The following DCLK1 variants were observed in gnomAD, a reference collection of about 807,000 sequenced individuals.
DCLK1 encodes serine/threonine-protein kinase DCLK1.
Under a neutral mutation model 86.2 loss-of-function variants are expected in DCLK1, and 16 were observed. The ratio of observed to expected loss-of-function variants is 0.19; its 90% CI spans 0.13 to 0.28. The LOEUF is 0.28. DCLK1 is among the 10% of genes least tolerant of loss of function. DCLK1 has a pLI of 1.00. For missense variants in DCLK1, 590 were observed against 940.2 expected, an observed-to-expected ratio of 0.63 and a Z score of 4.87; for synonymous variants, 369 against 370.5, an observed-to-expected ratio of 1.00 and a Z score of 0.05.
intron 7 of DCLK1, among the ~76,000 whole-genome samples, chr13:35,838,072 A>AAAAAG (rs532082938): frequency 4.5e-4 from 68 of 149,826 alleles, no homozygotes; most frequent in South Asian, 2.9e-3. Context: ...TCTCAAAAAA[A>AAAAAG]AAAAGAAAAG....
intron 2 of DCLK1, among the ~76,000 whole-genome samples, chr13:36,122,721 A>T (rs1886038571): frequency 6.6e-6 from 1 of 152,216 alleles, no homozygotes; most frequent in Non-Finnish European, 1.5e-5. Context: ...TTAAAAAAAC[A>T]TATTAAGGCC....
chr13:36,107,460 A>G (rs1265617396), intron 3 of DCLK1, among the ~76,000 whole-genome samples: 1 of 151,526 alleles, frequency 6.6e-6, no homozygotes, highest in Admixed American at 6.6e-5. Context: ...CCTATGTGAA[A>G]TGTCTATAAG....
intron 4 of DCLK1, among the ~76,000 whole-genome samples, chr13:35,934,625 T>C (rs1406652784): frequency 6.6e-6 from 1 of 152,124 alleles, no homozygotes; most frequent in Admixed American, 6.5e-5. Context: ...CAATTATCTC[T>C]CACTGGGTCC....
intron 3 of DCLK1, among the ~76,000 whole-genome samples, chr13:35,980,882 T>A (rs1263492037): frequency 6.6e-6 from 1 of 152,120 alleles, no homozygotes; most frequent in East Asian, 1.9e-4. Flanking sequence ...GGTCTTAAAC[T>A]CCTGGGCTCA....
In DCLK1 at chr13:36,113,169, C is replaced by G. The variant is rs374721972; in HGVS notation, c.377-954G>C. On this transcript the variant is annotated intron_variant, in intron 2 of 16. Coordinates refer to ENST00000360631, the MANE Select transcript of DCLK1 (RefSeq NM_001330071.2). ...TAATTGTAGGTAAAATGACCGAGGC[C>G]TAATCTAACACAGCCCATTGACTTT... Among the ~76,000 whole-genome samples the G allele has an allele frequency of 3.9e-5, 6 of 152,212 alleles. No homozygotes were observed. In the South Asian group the frequency reaches 6.2e-4, roughly 16 times the overall value.
chr13:35,800,815 C>T (rs1387466513), intron 15 of DCLK1, among the ~76,000 whole-genome samples: 1 of 108,820 alleles, frequency 9.2e-6, no homozygotes, highest in Non-Finnish European at 1.7e-5. Flanking sequence ...CCCCCAGGTT[C>T]GAGCCATCCT....
At chr13:35,866,453 CT>C (rs34793570) in intron 5 of DCLK1, among the ~76,000 whole-genome samples, 62,335 of 134,128 alleles carry the variant, frequency 0.46, 13,479 homozygotes, top group Non-Finnish European at 0.49. Context: ...AACAAAGACT[CT>C]TTTTTTTTTT....
Position 35,797,137 on chromosome 13 carries a change from A to C in DCLK1, c.1945-3658T>G, listed in dbSNP as rs111648884. Among the ~76,000 whole-genome samples the C allele has an allele frequency of 4.4e-3, 676 of 152,316 alleles. 6 individuals are homozygous for C. Among genetic ancestry groups the C allele is most frequent in the African/African-American group, 0.015 (644 of 41,568 alleles). ...GGGCAGCATAGAGTTGCACGGAGCC[A>C]ACAGGGTTGCCGTATGATCGGCACA... On this transcript the variant is annotated intron_variant, in intron 15 of 16. Transcript: ENST00000360631.
At position 35,962,470 on chromosome 13, in the gene DCLK1, T is replaced by G. The variant is rs528008011; in HGVS notation, c.724-15013A>C. ...CCTGGGAATGATTCTCCCTAACAGCTTTCAGAAGAAACCAACCCTGCTGAT... is the reference window on the plus strand; with the variant it reads ...CCTGGGAATGATTCTCCCTAACAGCGTTCAGAAGAAACCAACCCTGCTGAT... On this transcript the variant is annotated intron_variant, in intron 3 of 16. Transcript: ENST00000360631. Among the ~76,000 whole-genome samples, 4 of 152,292 alleles carry G rather than the reference T, an allele frequency of 2.6e-5. No individual in the cohort carries two copies. In the South Asian group the frequency reaches 8.3e-4, roughly 32 times the overall value.
intron 4 of DCLK1, among the ~76,000 whole-genome samples, chr13:35,913,114 G>A (rs1875146026): frequency 6.6e-6 from 1 of 152,172 alleles, no homozygotes; most frequent in Admixed American, 6.5e-5. Flanking sequence ...ACTTATTCCA[G>A]GGCAGTGTCT....
chr13:35,912,452 G>C (rs1222083672), intron 4 of DCLK1, among the ~76,000 whole-genome samples: 1 of 152,108 alleles, frequency 6.6e-6, no homozygotes, highest in South Asian at 2.1e-4. Context: ...GACTCAGCTG[G>C]CAGAAGAGAG....
intron 4 of DCLK1, among the ~76,000 whole-genome samples, chr13:35,943,795 G>A (rs1011252234): frequency 3.3e-5 from 5 of 152,088 alleles, no homozygotes; most frequent in South Asian, 2.1e-4. Context: ...AAATGGCTAC[G>A]GATTACAAAT....
At chr13:35,820,997 C>T (rs957194205) in intron 11 of DCLK1, among the ~76,000 whole-genome samples, 5 of 152,194 alleles carry the variant, frequency 3.3e-5, no homozygotes, top group African/African-American at 1.2e-4. Flanking sequence ...TGGCACAGTA[C>T]CTGACACATA....
intron 3 of DCLK1, among the ~76,000 whole-genome samples, chr13:35,994,636 A>G (rs2153144554): frequency 6.6e-6 from 1 of 152,298 alleles, no homozygotes; most frequent in East Asian, 1.9e-4. Flanking sequence ...CTTCATTATC[A>G]GTGATTGGCT....
chr13:36,116,893 TGGATATTA>T (rs1175626157), intron 2 of DCLK1, among the ~76,000 whole-genome samples: 7 of 152,366 alleles, frequency 4.6e-5, no homozygotes, highest in South Asian at 2.1e-4. Flanking sequence ...AAGTACCTTC[TGGATATTA>T]CATTTTATGA....
At chr13:35,944,623 C>A (rs1877265186) in intron 4 of DCLK1, among the ~76,000 whole-genome samples, 1 of 152,134 alleles carries the variant, frequency 6.6e-6, no homozygotes, top group Non-Finnish European at 1.5e-5. Context: ...GATCGTTTTT[C>A]TATTTGAGCC....
chr13:35,881,347 C>T (rs144963011), intron 4 of DCLK1, among the ~76,000 whole-genome samples: 57 of 152,294 alleles, frequency 3.7e-4, no homozygotes, highest in African/African-American at 1.3e-3. Flanking sequence ...TAACCAATCC[C>T]GTAGAGTGCC....
At chr13:35,849,790 A>T in intron 6 of DCLK1, 1 of 985,252 alleles carries the variant, frequency 1.0e-6, no homozygotes, top group Non-Finnish European at 1.2e-6. Flanking sequence ...TTTATACAGC[A>T]CCATTTAAGT....
At chr13:35,862,032 CAAAAAAAAA>C (rs36091477) in intron 5 of DCLK1, among the ~76,000 whole-genome samples, 2 of 71,130 alleles carry the variant, frequency 2.8e-5, no homozygotes, top group South Asian at 7.2e-4. Flanking sequence ...GACTCCGTCT[CAAAAAAAAA>C]AAAAAAAAAA....
Sources: allele counts gnomAD v4.1 joint callset (sites outside exome capture counted in the v4.1 genomes callset), GRCh38; gene constraint gnomAD v4.1.1; transcripts MANE v1.5; gene names NCBI Gene and HGNC (gene_info 2026-07-23, HGNC 2026-07-21).